The following PTPN13 variants were observed in gnomAD, a reference collection of about 807,000 sequenced individuals.
PTPN13 encodes tyrosine-protein phosphatase non-receptor type 13.
In PTPN13, 191 loss-of-function variants were observed where a neutral mutation model predicts 284.0. The ratio of observed to expected loss-of-function variants is 0.67; its 90% CI spans 0.60 to 0.76. The LOEUF (loss-of-function observed/expected upper bound fraction) is 0.76. Ranked by LOEUF, PTPN13 falls within the 30% of genes least tolerant of loss-of-function variation. PTPN13 has a pLI of 0.00. For missense variants in PTPN13, 2,797 were observed against 2,939.9 expected (o/e 0.95, Z 1.12); for synonymous variants, 986 against 1,022.3 (o/e 0.96, Z 0.68).
chr4:86,729,127 A>G (rs1014453048), intron 10 of PTPN13, among the ~76,000 whole-genome samples: 1 of 149,244 alleles, frequency 6.7e-6, no homozygotes, highest in Non-Finnish European at 1.5e-5. Flanking sequence ...ATGTGAAATT[A>G]TGGGTTGAAA....
chr4:86,809,701 A>G, intron 45 of PTPN13, 68 bp from the exon 46 acceptor site: 1 of 1,448,674 alleles, frequency 6.9e-7, no homozygotes, highest in Non-Finnish European at 9.7e-7. Context: ...AAGAAAGAAA[A>G]AAAAGAATTA....
At chr4:86,741,563 C>A (rs1184966227) in intron 15 of PTPN13, 71 bp from the exon 16 acceptor site, 2 of 1,391,112 alleles carry the variant, frequency 1.4e-6, no homozygotes, top group African/African-American at 2.8e-5. Flanking sequence ...CAAACCATAT[C>A]ATACAGCTTC....
intron 40 of PTPN13, among the ~76,000 whole-genome samples, chr4:86,789,809 A>G (rs541454162): frequency 5.3e-5 from 8 of 151,178 alleles, no homozygotes; most frequent in African/African-American, 1.7e-4. Context: ...TTACAAAAAT[A>G]GTGGTAATTG....
intron 40 of PTPN13, among the ~76,000 whole-genome samples, chr4:86,791,006 A>T (rs894772565): frequency 6.6e-6 from 1 of 152,122 alleles, no homozygotes; most frequent in African/African-American, 2.4e-5. Context: ...CAGTGGGTGC[A>T]GCCTACAGAG....
At chr4:86,645,647 G>A (rs2148780347) in intron 2 of PTPN13, among the ~76,000 whole-genome samples, 1 of 152,070 alleles carries the variant, frequency 6.6e-6, no homozygotes, top group South Asian at 2.1e-4. Flanking sequence ...AGATATGAAG[G>A]CCTATGAAAC....
In PTPN13 at chr4:86,631,938, C is replaced by G. The variant is rs114838715; in HGVS notation, c.-5-3314C>G. 2.6e-3 allele frequency among the ~76,000 whole-genome samples: 397 copies of G among 152,170 alleles called. 4 individuals carry two copies. The highest frequency in any genetic ancestry group is 9.3e-3 in the African/African-American group (386 of 41,518). On this transcript the variant is annotated intron_variant, in intron 1 of 47. Transcript: ENST00000411767. ...CTGTCTCTTGTGCTCTCTATATATA[C>G]ACATAAATATATGTGTGTATGTATG... is the stretch of plus-strand genomic sequence containing the variant.
At chr4:86,723,714 T>C (rs1733924556) in intron 10 of PTPN13, among the ~76,000 whole-genome samples, 1 of 152,236 alleles carries the variant, frequency 6.6e-6, no homozygotes, top group South Asian at 2.1e-4. Flanking sequence ...TATTCTTATG[T>C]ATTCTGGATA....
intron 35 of PTPN13, among the ~76,000 whole-genome samples, chr4:86,779,649 A>C (rs1741066972): frequency 6.6e-6 from 1 of 152,076 alleles, no homozygotes; most frequent in African/African-American, 2.4e-5. Context: ...AGGACCTTGC[A>C]TTTTGGGGCT....
rs559238862 is a variant in PTPN13 at position 86,618,964 on chromosome 4, C to T, written c.-5-16288C>T. Reference sequence around the variant, plus strand: ...CCCCTGGCCAGAACTTCCAACAGTACGTTGAATAGGAGTGGTGAGAGAGTG... The same window carrying T: ...CCCCTGGCCAGAACTTCCAACAGTATGTTGAATAGGAGTGGTGAGAGAGTG... On this transcript the variant is annotated intron_variant, in intron 1 of 47. Transcript: ENST00000411767. 5.3e-4 allele frequency among the ~76,000 whole-genome samples: 81 copies of T among 152,234 alleles called. 2 individuals carry two copies. The South Asian group carries it at 0.012, about 23-fold the overall frequency.
chr4:86,613,236 G>A (rs1023937772), intron 1 of PTPN13, among the ~76,000 whole-genome samples: 4 of 152,148 alleles, frequency 2.6e-5, no homozygotes, highest in South Asian at 2.1e-4. Flanking sequence ...AACCTCTGCC[G>A]AGCACTTACC....
intron 5 of PTPN13, among the ~76,000 whole-genome samples, chr4:86,690,731 T>C (rs1256218724): frequency 6.6e-6 from 1 of 151,642 alleles, no homozygotes; most frequent in Non-Finnish European, 1.5e-5. Context: ...TTTTCTGTCT[T>C]TGAATGAAGA....
chr4:86,679,519 G>A (rs1331038639), intron 3 of PTPN13, among the ~76,000 whole-genome samples: 1 of 152,178 alleles, frequency 6.6e-6, no homozygotes, highest in Admixed American at 6.5e-5. Context: ...TACCCTGGAG[G>A]TGTGACGCAG....
chr4:86,620,162 A>ATTGTTAATTATTATTATTT (rs1319768791), intron 1 of PTPN13, among the ~76,000 whole-genome samples: 5 of 152,290 alleles, frequency 3.3e-5, no homozygotes, highest in African/African-American at 1.2e-4. Context: ...AAATTTTATT[A>ATTGTTAATTATTATTATTT]TTGTTAATTA....
chr4:86,597,600 C>T (rs1763930974), intron 1 of PTPN13, among the ~76,000 whole-genome samples: 1 of 152,046 alleles, frequency 6.6e-6, no homozygotes, highest in Admixed American at 6.6e-5. Flanking sequence ...TCTAATAATC[C>T]TTTGAGTTTG....
chr4:86,630,364 T>G (rs895811972), intron 1 of PTPN13, among the ~76,000 whole-genome samples: 1 of 152,204 alleles, frequency 6.6e-6, no homozygotes, highest in African/African-American at 2.4e-5. Flanking sequence ...AGTGGCATTT[T>G]GTATGTTTTA....
intron 1 of PTPN13, among the ~76,000 whole-genome samples, chr4:86,630,868 G>T (rs534147547): frequency 1.3e-5 from 2 of 152,202 alleles, no homozygotes; most frequent in East Asian, 1.9e-4. Context: ...AGCTGTGCGT[G>T]CCACAATCCT....
At chr4:86,764,760 C>T in intron 25 of PTPN13, 36 bp downstream of exon 25, 7 of 1,573,984 alleles carry the variant, frequency 4.4e-6, no homozygotes, top group Non-Finnish European at 6.0e-6. Flanking sequence ...GTTTTCTCTT[C>T]TTTAATTTCC....
At chr4:86,685,168 TGA>T (rs1729311415) in intron 3 of PTPN13, among the ~76,000 whole-genome samples, 1 of 152,210 alleles carries the variant, frequency 6.6e-6, no homozygotes, top group African/African-American at 2.4e-5. Flanking sequence ...AAAAATATGT[TGA>T]GTTTTTTTAA....
At chr4:86,778,929 T>TG (rs1740961083) in intron 35 of PTPN13, among the ~76,000 whole-genome samples, 2 of 148,468 alleles carry the variant, frequency 1.3e-5, no homozygotes, top group South Asian at 4.2e-4. Context: ...AAAAATGAGT[T>TG]GGAAAAAAAA....
Sources: gnomAD v4.1 joint callset for allele counts (sites outside exome capture counted in the v4.1 genomes callset) on GRCh38, gnomAD v4.1.1 for gene constraint, MANE v1.5 for transcripts, NCBI Gene and HGNC (gene_info 2026-07-23, HGNC 2026-07-21) for gene names.